CASK: variants seen among roughly 807,000 people sequenced by gnomAD.
CASK encodes the protein calcium/calmodulin dependent serine protein kinase.
A neutral mutation model predicts 82.9 loss-of-function variants in CASK; 4 were observed. That is an observed-to-expected ratio of 0.05 (90% CI 0.02 to 0.11). The LOEUF (loss-of-function observed/expected upper bound fraction) is 0.11. Ranked by LOEUF, CASK falls within the 10% of genes least tolerant of loss-of-function variation. The pLI is 1.00. For missense variants in CASK, 358 were observed against 720.9 expected (o/e 0.50, Z 5.76); for synonymous variants, 259 against 253.5 (o/e 1.02, Z -0.20).
At chrX:41,622,518 C>A in intron 11 of CASK, 99 bp downstream of exon 11, 1 of 660,133 alleles carries the variant, frequency 1.5e-6, no homozygotes, top group Non-Finnish European at 2.3e-6. Flanking sequence ...CAACTACACA[C>A]AAACAGCCAA....
Position 41,923,421 on chromosome X carries a change from G to C in CASK, c.-433C>G, listed in dbSNP as rs963276946. ...TCGGGCTACAGAGGGGGCCGCGGCA[G>C]GACCATGGAGCGAGGATCGCCGCGG... On this transcript the variant is annotated 5_prime_UTR_variant, in exon 1 of 27. Transcript: ENST00000378163. 9 of 111,248 alleles carry C rather than the reference G, an allele frequency of 8.1e-5. No homozygotes were observed. The highest frequency in any genetic ancestry group is 2.9e-4 in the African/African-American group (9 of 30,835). The allele number at this position is 111,248 out of a possible 1,213,427, so 9.2% of individuals were successfully genotyped here. A position where few individuals can be genotyped will look rare whatever the true frequency, so the allele number is the denominator to read the frequency against.
chrX:41,592,212 CTT>C (rs1431719924), intron 12 of CASK, among the ~76,000 whole-genome samples: 1 of 98,429 alleles, frequency 1.0e-5, no homozygotes, highest in Non-Finnish European at 2.0e-5. Flanking sequence ...CAGAGCAAGA[CTT>C]TGTCTCGAAA....
chrX:41,566,341 G>A (rs191330817), intron 16 of CASK, among the ~76,000 whole-genome samples: 112 of 111,758 alleles, frequency 1.0e-3, no homozygotes, highest in African/African-American at 3.5e-3. Flanking sequence ...AAACCCCATT[G>A]TCTCAGCCCA....
intron 2 of CASK, among the ~76,000 whole-genome samples, chrX:41,850,542 G>A (rs1371053859): frequency 5.3e-5 from 6 of 112,318 alleles, no homozygotes; most frequent in African/African-American, 1.9e-4. Context: ...TAAATTATCT[G>A]TTGCTTAAGA....
At chrX:41,748,118 T>C (rs2068723767) in intron 3 of CASK, 1 of 111,904 alleles carries the variant, frequency 8.9e-6, no homozygotes, top group Non-Finnish European at 1.9e-5. Flanking sequence ...TCAACTTAGA[T>C]GAGAGAGGGG....
Position 41,528,880 on chromosome X carries a change from C to T in CASK, c.2520+2127G>A, listed in dbSNP as rs143670195. On this transcript the variant is annotated intron_variant, in intron 25 of 26. Coordinates refer to ENST00000378163, the MANE Select transcript of CASK (RefSeq NM_001367721.1). ...AGACTGGGCTGAGGGCAGAGAAGCC[C>T]GAGAGTGAAGCCCAGTCGGTGCAGA... 8.2e-4 allele frequency among the ~76,000 whole-genome samples: 92 copies of T among 112,010 alleles called. 1 individual carries two copies. The East Asian group carries it at 0.022, about 27-fold the overall frequency.
At chrX:41,596,622 T>A (rs1205009536) in intron 12 of CASK, among the ~76,000 whole-genome samples, 1 of 112,226 alleles carries the variant, frequency 8.9e-6, no homozygotes, top group African/African-American at 3.2e-5. Context: ...TACTGTTTAC[T>A]CTCTTTTTCT....
At chrX:41,853,027 C>A (rs984739666) in intron 2 of CASK, 88 bp downstream of exon 2, 2 of 600,155 alleles carry the variant, frequency 3.3e-6, no homozygotes, top group Non-Finnish European at 5.7e-6. Flanking sequence ...TGCTTCCCCA[C>A]CCCCAGATGA....
intron 5 of CASK, chrX:41,730,062 A>G (rs1017711887): frequency 8.3e-6 from 1 of 120,547 alleles, no homozygotes; most frequent in Non-Finnish European, 1.9e-5. Context: ...TTCTACTTCC[A>G]TGGTACTGAT....
intron 3 of CASK, among the ~76,000 whole-genome samples, chrX:41,778,678 G>A (rs1034778415): frequency 3.6e-5 from 4 of 110,771 alleles, no homozygotes; most frequent in Middle Eastern, 4.7e-3. Flanking sequence ...AAAAGTTATC[G>A]GAGTGACAAT....
chrX:41,676,390 T>A (rs758492476), intron 5 of CASK: 1 of 1,197,782 alleles, frequency 8.3e-7, no homozygotes, highest in African/African-American at 1.7e-5. Context: ...CATTGGATAA[T>A]TCAGCTCCTT....
chrX:41,861,010 A>G (rs2071465962), intron 1 of CASK, among the ~76,000 whole-genome samples: 1 of 112,384 alleles, frequency 8.9e-6, no homozygotes, highest in Non-Finnish European at 1.9e-5. Context: ...AGTTAAGACT[A>G]GCATTTACTA....
At chrX:41,772,538 T>A (rs2147797820) in intron 3 of CASK, among the ~76,000 whole-genome samples, 1 of 110,484 alleles carries the variant, frequency 9.1e-6, no homozygotes, top group African/African-American at 3.3e-5. Flanking sequence ...CCAAAACTGT[T>A]TAAAATTTAG....
chrX:41,854,222 G>GCACA (rs1195147772), intron 1 of CASK, among the ~76,000 whole-genome samples: 2,511 of 83,339 alleles, frequency 0.03, 51 homozygotes, highest in Middle Eastern at 0.071. Flanking sequence ...GCGCGGGCGC[G>GCACA]CGCACACACA....
chrX:41,807,168 C>T (rs1020644550), intron 2 of CASK, among the ~76,000 whole-genome samples: 7 of 110,449 alleles, frequency 6.3e-5, no homozygotes, highest in African/African-American at 2.3e-4. Flanking sequence ...TAAACCTAGC[C>T]ACCACTTTTC....
chrX:41,733,890 A>C, intron 5 of CASK, among the ~76,000 whole-genome samples: 1 of 112,180 alleles, frequency 8.9e-6, no homozygotes, highest in South Asian at 3.7e-4. Context: ...ACGGAGAACA[A>C]GAGACTACGG....
chrX:41,625,526 T>A (rs1329011679), intron 10 of CASK, among the ~76,000 whole-genome samples: 1 of 110,436 alleles, frequency 9.1e-6, no homozygotes, highest in Non-Finnish European at 1.9e-5. Context: ...CTCATTTTGT[T>A]GTCCAGGTTG....
chrX:41,638,625 G>A (rs2066598334), intron 8 of CASK, among the ~76,000 whole-genome samples: 1 of 111,296 alleles, frequency 9.0e-6, no homozygotes, highest in Non-Finnish European at 1.9e-5. Context: ...TGAGGGAGTG[G>A]TCTAGGCAGA....
intron 1 of CASK, among the ~76,000 whole-genome samples, chrX:41,860,442 C>T (rs2071456658): frequency 8.9e-6 from 1 of 111,786 alleles, no homozygotes; most frequent in Non-Finnish European, 1.9e-5. Flanking sequence ...TTAAAGATAA[C>T]GATGGTCTGT....
Sources: allele counts gnomAD v4.1 joint callset (sites outside exome capture counted in the v4.1 genomes callset), GRCh38; gene constraint gnomAD v4.1.1; transcripts MANE v1.5; gene names NCBI Gene and HGNC (gene_info 2026-07-23, HGNC 2026-07-21).